SLC24A4: variants seen among roughly 807,000 people sequenced by gnomAD.
The protein encoded by SLC24A4 is solute carrier family 24 member 4.
In SLC24A4, 53 loss-of-function variants were observed where a neutral mutation model predicts 79.0. That is an observed-to-expected ratio of 0.67 (90% CI 0.54 to 0.84). SLC24A4 has a LOEUF of 0.84. Among genes scored for constraint, SLC24A4 ranks in the 40% least tolerant of loss-of-function variants. The probability of loss-of-function intolerance (pLI) is 0.00; values close to 1 mark genes in which losing one functional copy is unlikely to be tolerated. For synonymous variants in SLC24A4, 323 were observed against 323.8 expected, an observed-to-expected ratio of 1.00 and a Z score of 0.03; for missense variants, 731 against 822.0, an observed-to-expected ratio of 0.89 and a Z score of 1.35.
At chr14:92,352,183 T>G (rs562264867) in intron 2 of SLC24A4, among the ~76,000 whole-genome samples, 10 of 152,120 alleles carry the variant, frequency 6.6e-5, no homozygotes, top group African/African-American at 2.4e-4. Flanking sequence ...GAGCTATGAA[T>G]GAGAGGCACC....
chr14:92,465,551 G>A (rs1894054847), intron 12 of SLC24A4, among the ~76,000 whole-genome samples: 1 of 152,148 alleles, frequency 6.6e-6, no homozygotes, highest in South Asian at 2.1e-4. Flanking sequence ...GGGGTTCCTG[G>A]GATCGGCACC....
rs767607695 is a variant in SLC24A4 at position 92,442,693 on chromosome 14, T to G, written c.479-20T>G. 3 of 1,569,302 alleles carry G rather than the reference T, an allele frequency of 1.9e-6. No homozygotes were observed. The highest frequency in any genetic ancestry group is 2.6e-6 in the Non-Finnish European group (3 of 1,139,710). On this transcript the variant is annotated intron_variant, in intron 5 of 16. Transcript: ENST00000532405. Reference sequence around the variant, plus strand: ...GGGGACGTGTGGCTGAGGCCCAGGGTCTGTGTGTTTCCTTTCCAGGGGTGT... The same window carrying G: ...GGGGACGTGTGGCTGAGGCCCAGGGGCTGTGTGTTTCCTTTCCAGGGGTGT...
At chr14:92,420,980 C>T (rs747512022) in intron 2 of SLC24A4, among the ~76,000 whole-genome samples, 11 of 152,136 alleles carry the variant, frequency 7.2e-5, no homozygotes, top group African/African-American at 1.2e-4. Context: ...CACTGCTCCT[C>T]GGGCTTCTGT....
rs1324734475 is a variant in SLC24A4 at position 92,493,998 on chromosome 14, A to G, written c.*370A>G. 4.9e-6 allele frequency: 1 copy of G among 202,590 alleles called. No individual in the cohort carries two copies. Among genetic ancestry groups the G allele is most frequent in the Non-Finnish European group, 1.0e-5 (1 of 98,338 alleles). 12.5% of individuals were successfully genotyped at this position (202,590 alleles called of 1,614,324 possible). A position where few individuals can be genotyped will look rare whatever the true frequency, so the allele number is the denominator to read the frequency against. On this transcript the variant is annotated 3_prime_UTR_variant, in exon 17 of 17. Coordinates refer to ENST00000532405, the MANE Select transcript of SLC24A4 (RefSeq NM_153646.4). ...TGCAGGCAGCTTCAGAATTGAGGTC[A>G]TTTGTGAGCACAAGATCTCATAGGG...
chr14:92,456,808 C>T (rs1459492533), intron 12 of SLC24A4, among the ~76,000 whole-genome samples, 200 bp downstream of exon 12: 2 of 152,146 alleles, frequency 1.3e-5, no homozygotes, highest in African/African-American at 2.4e-5. Context: ...CAGTGGGGTG[C>T]GGGCACCACC....
intron 2 of SLC24A4, among the ~76,000 whole-genome samples, chr14:92,348,664 T>C (rs76519749): frequency 0.076 from 11,608 of 152,244 alleles, 603 homozygotes; most frequent in Non-Finnish European, 0.11. Flanking sequence ...ATTTTTTTTT[T>C]CTAAGATTCA....
At chr14:92,395,911 C>T (rs1013744131) in intron 2 of SLC24A4, among the ~76,000 whole-genome samples, 18 of 152,160 alleles carry the variant, frequency 1.2e-4, no homozygotes, top group Admixed American at 7.2e-4. Context: ...TGGCAACTTC[C>T]GCCTGCTGGG....
At chr14:92,367,436 CA>C (rs1566718145) in intron 2 of SLC24A4, among the ~76,000 whole-genome samples, 3 of 152,350 alleles carry the variant, frequency 2.0e-5, no homozygotes. Flanking sequence ...TTCCAGCTCA[CA>C]TATGTTATCC....
At chr14:92,415,301 C>A (rs927672917) in intron 2 of SLC24A4, among the ~76,000 whole-genome samples, 1 of 152,198 alleles carries the variant, frequency 6.6e-6, no homozygotes, top group Non-Finnish European at 1.5e-5. Context: ...TCCGAGGCTT[C>A]TCCACGGTGG....
At chr14:92,446,491 G>T (rs932906219) in intron 8 of SLC24A4, among the ~76,000 whole-genome samples, 1 of 152,194 alleles carries the variant, frequency 6.6e-6, no homozygotes, top group South Asian at 2.1e-4. Flanking sequence ...TCAGCCACCT[G>T]CCCTGAGCAG....
intron 2 of SLC24A4, among the ~76,000 whole-genome samples, chr14:92,375,231 A>C (rs1199970797): frequency 1.3e-5 from 2 of 152,242 alleles, no homozygotes; most frequent in African/African-American, 4.8e-5. Flanking sequence ...ATTAAGAGAC[A>C]GTTTGGAAGA....
intron 2 of SLC24A4, among the ~76,000 whole-genome samples, chr14:92,381,487 C>A (rs1020844878): frequency 6.6e-6 from 1 of 152,060 alleles, no homozygotes; most frequent in African/African-American, 2.4e-5. Context: ...GCATGCGGGG[C>A]TTAAAGCCTA....
intron 2 of SLC24A4, among the ~76,000 whole-genome samples, chr14:92,330,639 T>A (rs1444663739): frequency 1.3e-5 from 2 of 152,236 alleles, no homozygotes; most frequent in Non-Finnish European, 2.9e-5. Flanking sequence ...TTTCTCATGG[T>A]TGTGGAGGCT....
chr14:92,351,874 A>G (rs995555966), intron 2 of SLC24A4, among the ~76,000 whole-genome samples: 1 of 150,202 alleles, frequency 6.7e-6, no homozygotes, highest in African/African-American at 2.4e-5. Context: ...AAAAAGAAAG[A>G]AAAAAGGAAA....
chr14:92,486,694 T>C lies in SLC24A4; in HGVS notation c.1451T>C (p.Ile484Thr), dbSNP rs1895379579. ...ACTATTATCGGATACACACTTGGGATCCCGGATGTCATCATGGGCATTACT... is the reference window on the plus strand; with the variant it reads ...ACTATTATCGGATACACACTTGGGACCCCGGATGTCATCATGGGCATTACT... ...LVTIIGYTLG[I>T]PDVIMGITFL... is the part of the protein sequence containing the mutation. Residue 484 changes from isoleucine to threonine, a missense_variant, in exon 14 of 17, where the codon ATC becomes ACC. Transcript: ENST00000532405. 6.2e-7 allele frequency: 1 copy of C among 1,614,022 alleles called. No individual in the cohort carries two copies. Among genetic ancestry groups the C allele is most frequent in the Non-Finnish European group, 8.5e-7 (1 of 1,179,876 alleles).
intron 2 of SLC24A4, among the ~76,000 whole-genome samples, chr14:92,421,241 A>G (rs10139066): frequency 0.41 from 61,871 of 152,056 alleles, 12,906 homozygotes; most frequent in Non-Finnish European, 0.44. Flanking sequence ...TGTGTCAGAC[A>G]TTCAGTAGGT....
At position 92,501,254 on chromosome 14, in the gene SLC24A4, C is replaced by T. The variant is rs1896149326; in HGVS notation, c.*7626C>T. 1 of 152,158 alleles carries T rather than the reference C, an allele frequency of 6.6e-6. No individual in the cohort carries two copies. Among genetic ancestry groups the T allele is most frequent in the South Asian group, 2.1e-4 (1 of 4,824 alleles). 9.4% of individuals were successfully genotyped at this position (152,158 alleles called of 1,614,324 possible). ...TTTATTTTTTCAATAACTGTGACCT[C>T]CTGCACTGTGAATGCTCTGTGACAT... On this transcript the variant is annotated 3_prime_UTR_variant, in exon 17 of 17. Coordinates refer to ENST00000532405, the MANE Select transcript of SLC24A4 (RefSeq NM_153646.4).
chr14:92,390,001 C>A (rs538602769), intron 2 of SLC24A4, among the ~76,000 whole-genome samples: 1 of 152,300 alleles, frequency 6.6e-6, no homozygotes, highest in African/African-American at 2.4e-5. Flanking sequence ...GCCGGTCCCT[C>A]TGCAGGACAG....
intron 10 of SLC24A4, chr14:92,452,325 G>A (rs548195599): frequency 8.5e-5 from 13 of 152,624 alleles, no homozygotes; most frequent in Middle Eastern, 3.4e-3. Flanking sequence ...TGGGATGGAG[G>A]CTTCTGAGCA....
Sources: allele counts gnomAD v4.1 joint callset (sites outside exome capture counted in the v4.1 genomes callset), GRCh38; gene constraint gnomAD v4.1.1; transcripts MANE v1.5; gene names NCBI Gene and HGNC (gene_info 2026-07-23, HGNC 2026-07-21).